Variants in RPS6KB1 observed in about 807,000 individuals in gnomAD.
RPS6KB1 encodes the protein ribosomal protein S6 kinase beta-1.
RPS6KB1 carries 12 observed loss-of-function variants against 70.2 expected under a neutral mutation model. The ratio of observed to expected loss-of-function variants is 0.17; its 90% CI spans 0.11 to 0.28. RPS6KB1 has a LOEUF of 0.28. Ranked by LOEUF, RPS6KB1 falls within the 10% of genes least tolerant of loss-of-function variation. The pLI is 1.00. For missense variants in RPS6KB1, 270 were observed against 646.6 expected, an observed-to-expected ratio of 0.42 and a Z score of 6.32; for synonymous variants, 175 against 211.2, an observed-to-expected ratio of 0.83 and a Z score of 1.49.
chr17:59,937,314 A>G (rs2044301626), intron 12 of RPS6KB1, among the ~76,000 whole-genome samples: 1 of 152,208 alleles, frequency 6.6e-6, no homozygotes, highest in Non-Finnish European at 1.5e-5. Context: ...TAATTTAACC[A>G]TTTTAAATAT....
At chr17:59,905,705 C>T (rs2042226495) in intron 1 of RPS6KB1, among the ~76,000 whole-genome samples, 1 of 151,992 alleles carries the variant, frequency 6.6e-6, no homozygotes, top group African/African-American at 2.4e-5. Context: ...GGGGTTTCAC[C>T]ACATTGGCCT....
chr17:59,915,612 C>T (rs2042899042), intron 4 of RPS6KB1, among the ~76,000 whole-genome samples: 1 of 139,304 alleles, frequency 7.2e-6, no homozygotes, highest in Non-Finnish European at 1.6e-5. Context: ...ATTACAGGCG[C>T]CTACCACCAC....
chr17:59,915,285 G>C (rs553759918), intron 4 of RPS6KB1, among the ~76,000 whole-genome samples: 1 of 151,542 alleles, frequency 6.6e-6, no homozygotes, highest in Non-Finnish European at 1.5e-5. Context: ...CACCGCACCC[G>C]GCAAAAAATG....
chr17:59,922,547 A>G (rs1384585864), intron 4 of RPS6KB1, among the ~76,000 whole-genome samples: 1 of 109,572 alleles, frequency 9.1e-6, no homozygotes, highest in Non-Finnish European at 1.9e-5. Context: ...ATTTTTTTAT[A>G]CTCCTTTTTT....
Position 59,931,827 on chromosome 17 carries a change from A to G in RPS6KB1, c.688+105A>G, listed in dbSNP as rs746912027. On this transcript the variant is annotated intron_variant, in intron 7 of 14. Coordinates refer to ENST00000225577, the MANE Select transcript of RPS6KB1 (RefSeq NM_003161.4). The stretch of plus-strand genomic sequence containing the variant: ...CCCCAAATTCATCTCTCTATTTTGT[A>G]TATTTCCTCCCTCAGAATTCATGGC... The G allele has an allele frequency of 4.3e-6, 3 of 701,190 alleles. No individual in the cohort carries two copies. In the South Asian group the frequency reaches 5.5e-5, roughly 13 times the overall value. The allele number at this position is 701,190 out of a possible 1,614,324, so 43.4% of individuals were successfully genotyped here. A position where few individuals can be genotyped will look rare whatever the true frequency, so the allele number is the denominator to read the frequency against.
At position 59,893,631 on chromosome 17, in the gene RPS6KB1, C is replaced by T. The variant is rs1240648753; in HGVS notation, c.141+306C>T. 1.3e-5 allele frequency among the ~76,000 whole-genome samples: 2 copies of T among 152,056 alleles called. No individual in the cohort carries two copies. The highest frequency in any genetic ancestry group is 2.9e-5 in the Non-Finnish European group (2 of 67,980). Reference sequence around the variant, plus strand: ...TGTTGGACTTGAGTGTGGCGGGGAGCGGGTGGCGTGAGCGTGTGTTGGGGA... The same window carrying T: ...TGTTGGACTTGAGTGTGGCGGGGAGTGGGTGGCGTGAGCGTGTGTTGGGGA... On this transcript the variant is annotated intron_variant, in intron 1 of 14. Coordinates refer to ENST00000225577, the MANE Select transcript of RPS6KB1 (RefSeq NM_003161.4). This position sits in a 1 kb window ranked among gnomAD's most constrained non-coding sequence, Gnocchi z 4.1.
intron 7 of RPS6KB1, among the ~76,000 whole-genome samples, chr17:59,933,428 T>C (rs1339171406): frequency 6.6e-6 from 1 of 152,196 alleles, no homozygotes; most frequent in East Asian, 1.9e-4. Context: ...ATACTTCTTC[T>C]GTATCAGAGT....
rs371529697 is a variant in RPS6KB1, at chr17:59,914,594, A to G, written c.313-41A>G. 33 of 1,436,328 alleles carry G rather than the reference A, an allele frequency of 2.3e-5. No homozygotes were observed. In the Middle Eastern group the frequency reaches 7.1e-4, roughly 31 times the overall value. 89.0% of individuals were successfully genotyped at this position (1,436,328 alleles called of 1,614,324 possible). On this transcript the variant is annotated intron_variant, in intron 3 of 14. Transcript: ENST00000225577. ...TAGGAATTAAGGGAGTATGCCTGAC[A>G]TAGTTTGCCTTTGAATAACACACAC...
chr17:59,945,892 T>G (rs1199242827), intron 14 of RPS6KB1, among the ~76,000 whole-genome samples: 2 of 152,070 alleles, frequency 1.3e-5, no homozygotes, highest in African/African-American at 4.8e-5. Flanking sequence ...AAAGTCACAA[T>G]AGACAAAGGA....
chr17:59,895,414 C>T (rs893213532), intron 1 of RPS6KB1, among the ~76,000 whole-genome samples: 4 of 138,780 alleles, frequency 2.9e-5, no homozygotes, highest in Middle Eastern at 4.4e-3. Flanking sequence ...CTCTGCCTCC[C>T]AGGTTCAAGC....
chr17:59,900,169 TAAACACACACACAC>T (rs1237897038), intron 1 of RPS6KB1, among the ~76,000 whole-genome samples: 2 of 57,458 alleles, frequency 3.5e-5, no homozygotes, highest in African/African-American at 1.2e-4. Flanking sequence ...ACCTAATTGC[TAAACACACACACAC>T]ACACACACAC....
At chr17:59,944,409 T>G (rs1197932550) in intron 13 of RPS6KB1, among the ~76,000 whole-genome samples, 4 of 152,184 alleles carry the variant, frequency 2.6e-5, no homozygotes, top group African/African-American at 9.7e-5. Context: ...TGTTGATACT[T>G]ATTCATCAAG....
chr17:59,938,166 C>CTTTTTTTTTT (rs2044350229), intron 12 of RPS6KB1, among the ~76,000 whole-genome samples: 1 of 72,592 alleles, frequency 1.4e-5, no homozygotes. Context: ...TTTTTCTTTT[C>CTTTTTTTTTT]TTTCTTTTTT....
chr17:59,911,719 A>G (rs925472955), intron 2 of RPS6KB1, among the ~76,000 whole-genome samples: 2 of 151,366 alleles, frequency 1.3e-5, no homozygotes, highest in African/African-American at 4.9e-5. Context: ...TAATTTTTGT[A>G]TTTTTAATAG....
intron 13 of RPS6KB1, among the ~76,000 whole-genome samples, chr17:59,942,160 T>C (rs2145052992): frequency 6.6e-6 from 1 of 152,262 alleles, no homozygotes; most frequent in South Asian, 2.1e-4. Flanking sequence ...GCCCAGTCGA[T>C]GGTCTCGATT....
At chr17:59,933,851 C>G (rs889890720) in intron 7 of RPS6KB1, among the ~76,000 whole-genome samples, 1 of 152,110 alleles carries the variant, frequency 6.6e-6, no homozygotes, top group Non-Finnish European at 1.5e-5. Context: ...ACAGTTTTCC[C>G]AGGATTTTTC....
Position 59,947,365 on chromosome 17 carries a change from C to G in RPS6KB1, c.*577C>G. ...AGCTCATTATGAAAAACATCCCAAA[C>G]TTTAAAATGCGAAATTATTGGTTGG... On this transcript the variant is annotated 3_prime_UTR_variant, in exon 15 of 15. Coordinates refer to ENST00000225577, the MANE Select transcript of RPS6KB1 (RefSeq NM_003161.4). 6 of 1,198,668 alleles carry G rather than the reference C, an allele frequency of 5.0e-6. No homozygotes were observed. The African/African-American group carries it at 7.9e-5, about 16-fold the overall frequency. 74.3% of individuals were successfully genotyped at this position (1,198,668 alleles called of 1,614,324 possible). A position where few individuals can be genotyped will look rare whatever the true frequency, so the allele number is the denominator to read the frequency against.
At chr17:59,909,482 G>A (rs1439035179) in intron 1 of RPS6KB1, among the ~76,000 whole-genome samples, 2 of 143,308 alleles carry the variant, frequency 1.4e-5, no homozygotes, top group East Asian at 2.2e-4. Context: ...TGGCCAGGCC[G>A]GTCTCGAACT....
intron 1 of RPS6KB1, among the ~76,000 whole-genome samples, chr17:59,903,370 G>A (rs993321002): frequency 6.6e-6 from 1 of 151,824 alleles, no homozygotes; most frequent in African/African-American, 2.4e-5. Context: ...AGCTGTTCGG[G>A]AGGCTGAAGT....
Sources: allele counts gnomAD v4.1 joint callset (sites outside exome capture counted in the v4.1 genomes callset), GRCh38; gene constraint gnomAD v4.1.1; non-coding constraint Gnocchi (gnomAD v3.1); transcripts MANE v1.5; gene names NCBI Gene and HGNC (gene_info 2026-07-23, HGNC 2026-07-21).